The following DAP variants were observed in gnomAD, a reference collection of about 807,000 sequenced individuals.
The protein encoded by DAP is death associated protein.
In DAP, 8 loss-of-function variants were observed where a neutral mutation model predicts 13.8. That is an observed-to-expected ratio of 0.58 (90% CI 0.34 to 1.05). The LOEUF is 1.05. Among genes scored for constraint, DAP ranks in the 50% least tolerant of loss-of-function variants. The probability of loss-of-function intolerance (pLI) is 0.03; values close to 1 mark genes in which losing one functional copy is unlikely to be tolerated. For synonymous variants in DAP, 47 were observed against 47.5 expected (o/e 0.99, Z 0.04); for missense variants, 106 against 133.2 (o/e 0.80, Z 1.01).
chr5:10,729,891 C>T (rs1739391326), intron 2 of DAP, among the ~76,000 whole-genome samples: 1 of 152,226 alleles, frequency 6.6e-6, no homozygotes, highest in Admixed American at 6.5e-5. Flanking sequence ...CACTTGTGGG[C>T]CCACGAGGAC....
At chr5:10,712,294 C>T (rs1003014431) in intron 2 of DAP, among the ~76,000 whole-genome samples, 4 of 151,672 alleles carry the variant, frequency 2.6e-5, no homozygotes, top group Admixed American at 1.3e-4. Context: ...GTTTCATCCA[C>T]CCAGTCTGTG....
At chr5:10,721,595 G>C (rs961766709) in intron 2 of DAP, among the ~76,000 whole-genome samples, 1 of 152,190 alleles carries the variant, frequency 6.6e-6, no homozygotes, top group African/African-American at 2.4e-5. Flanking sequence ...CATTGCCTGT[G>C]ATTAAGGTCG....
At chr5:10,752,362 G>A (rs1740067409) in intron 1 of DAP, among the ~76,000 whole-genome samples, 2 of 152,108 alleles carry the variant, frequency 1.3e-5, no homozygotes, top group Admixed American at 1.3e-4. Flanking sequence ...AAATATGACA[G>A]CACATATTTA....
Position 10,697,616 on chromosome 5 carries a change from G to A in DAP, c.153-14045C>T, listed in dbSNP as rs963724702. The stretch of plus-strand genomic sequence containing the variant: ...TAATTTTTGGGAGGTGGGTGTCCAT[G>A]GTTCAAAGTACAAAGTATTTTAAAT... On this transcript the variant is annotated intron_variant, in intron 2 of 3. Coordinates refer to ENST00000230895, the MANE Select transcript of DAP (RefSeq NM_004394.3). Among the ~76,000 whole-genome samples the A allele has an allele frequency of 2.0e-5, 3 of 152,098 alleles. No individual in the cohort carries two copies. The South Asian group carries it at 6.2e-4, about 31-fold the overall frequency.
chr5:10,752,814 T>C (rs909628019), intron 1 of DAP, among the ~76,000 whole-genome samples: 4 of 152,166 alleles, frequency 2.6e-5, no homozygotes, highest in African/African-American at 4.8e-5. Context: ...CAGCTGAGGA[T>C]TACATGAGTT....
In DAP at chr5:10,705,216, C is replaced by T. The variant is rs1738668350; in HGVS notation, c.153-21645G>A. Among the ~76,000 whole-genome samples the T allele has an allele frequency of 2.0e-5, 3 of 152,132 alleles. No homozygotes were observed. In the South Asian group the frequency reaches 6.2e-4, roughly 31 times the overall value. On this transcript the variant is annotated intron_variant, in intron 2 of 3. Coordinates refer to ENST00000230895, the MANE Select transcript of DAP (RefSeq NM_004394.3). Reference sequence around the variant, plus strand: ...GGGCAGAACTTCCATTAGCATCAGCCCACCGCGGCCCACACTACACACGGT... The same window carrying T: ...GGGCAGAACTTCCATTAGCATCAGCTCACCGCGGCCCACACTACACACGGT...
chr5:10,744,091 T>C (rs1739839139), intron 2 of DAP, among the ~76,000 whole-genome samples: 1 of 152,178 alleles, frequency 6.6e-6, no homozygotes, highest in South Asian at 2.1e-4. Context: ...GTCCCTTTTC[T>C]CTGTAATCAG....
chr5:10,735,451 A>T (rs1739583469), intron 2 of DAP, among the ~76,000 whole-genome samples: 1 of 152,240 alleles, frequency 6.6e-6, no homozygotes, highest in South Asian at 2.1e-4. Flanking sequence ...GATAGTACCA[A>T]GTCACTAGAA....
intron 2 of DAP, among the ~76,000 whole-genome samples, chr5:10,722,885 G>A (rs1185673773): frequency 6.6e-6 from 1 of 152,156 alleles, no homozygotes; most frequent in African/African-American, 2.4e-5. Flanking sequence ...CACTTAAGAA[G>A]GAAGGAGCCC....
intron 2 of DAP, among the ~76,000 whole-genome samples, chr5:10,730,721 T>C (rs1174878450): frequency 1.3e-4 from 16 of 126,384 alleles, no homozygotes; most frequent in African/African-American, 4.9e-4. Flanking sequence ...AGGGGGAATC[T>C]TTCTGTACTG....
At chr5:10,684,875 C>T (rs1393927479) in intron 2 of DAP, among the ~76,000 whole-genome samples, 2 of 152,076 alleles carry the variant, frequency 1.3e-5, no homozygotes, top group Non-Finnish European at 2.9e-5. Flanking sequence ...CGCGATCGAT[C>T]GGGGACACTC....
intron 2 of DAP, among the ~76,000 whole-genome samples, chr5:10,730,419 G>C (rs1158815677): frequency 2.6e-5 from 4 of 152,222 alleles, no homozygotes; most frequent in Non-Finnish European, 4.4e-5. Context: ...CCCGGTGGGG[G>C]GGAATCTTTC....
intron 1 of DAP, among the ~76,000 whole-genome samples, chr5:10,758,532 C>T (rs1055723799): frequency 6.6e-5 from 10 of 152,134 alleles, no homozygotes; most frequent in South Asian, 4.1e-4. Context: ...GAGCTCACCC[C>T]GTAAGTCTAA....
chr5:10,700,032 G>A (rs142364739), intron 2 of DAP, among the ~76,000 whole-genome samples: 2 of 152,362 alleles, frequency 1.3e-5, no homozygotes, highest in South Asian at 2.1e-4. Context: ...GATGCACCTG[G>A]AGGGCACAAC....
At chr5:10,739,971 T>G (rs1579815850) in intron 2 of DAP, among the ~76,000 whole-genome samples, 1 of 152,214 alleles carries the variant, frequency 6.6e-6, no homozygotes, top group East Asian at 1.9e-4. Flanking sequence ...AGAAGTGATG[T>G]GACCCACTGT....
intron 2 of DAP, among the ~76,000 whole-genome samples, chr5:10,688,991 G>C (rs1738229304): frequency 6.6e-6 from 1 of 152,140 alleles, no homozygotes; most frequent in Non-Finnish European, 1.5e-5. Context: ...CGGGAGTCTG[G>C]AGCCCAGGGG....
intron 2 of DAP, 27 bp downstream of exon 2, chr5:10,748,148 G>T (rs1395222861): frequency 1.3e-6 from 2 of 1,496,912 alleles, no homozygotes; most frequent in Non-Finnish European, 1.9e-6. Context: ...TGGAAAACAT[G>T]CTCAAGAGTC....
intron 2 of DAP, among the ~76,000 whole-genome samples, chr5:10,694,019 C>A (rs572020576): frequency 2.6e-5 from 4 of 152,156 alleles, no homozygotes; most frequent in African/African-American, 9.6e-5. Flanking sequence ...TGCTTGGGGT[C>A]CTGGGGGTGG....
chr5:10,755,780 G>T (rs891676095), intron 1 of DAP, among the ~76,000 whole-genome samples: 1 of 152,206 alleles, frequency 6.6e-6, no homozygotes, highest in African/African-American at 2.4e-5. Flanking sequence ...ACAAAACCAA[G>T]TAAGAATGCA....
Sources: allele counts gnomAD v4.1 joint callset (sites outside exome capture counted in the v4.1 genomes callset), GRCh38; gene constraint gnomAD v4.1.1; transcripts MANE v1.5; gene names NCBI Gene and HGNC (gene_info 2026-07-23, HGNC 2026-07-21).